Variants in CPSF2 observed in about 807,000 individuals in gnomAD.
CPSF2 encodes cleavage and polyadenylation specific factor 2.
Under a neutral mutation model 84.2 loss-of-function variants are expected in CPSF2, and 51 were observed. The observed-to-expected ratio is 0.61, with a 90% confidence interval of 0.48 to 0.77. The LOEUF is 0.77. CPSF2 is among the 30% of genes least tolerant of loss of function. The pLI is 0.00. For synonymous variants in CPSF2, 286 were observed against 311.9 expected, an observed-to-expected ratio of 0.92 and a Z score of 0.87; for missense variants, 641 against 929.4, an observed-to-expected ratio of 0.69 and a Z score of 4.03.
chr14:92,142,415 G>A (rs1294563196), intron 8 of CPSF2, 64 bp downstream of exon 8: 30 of 1,260,908 alleles, frequency 2.4e-5, no homozygotes, highest in African/African-American at 6.0e-5. Flanking sequence ...GGAAGTGGGC[G>A]TCTTAAATGT....
In CPSF2 at chr14:92,158,205, G is replaced by A. The variant is rs188223153; in HGVS notation, c.1821+321G>A. On this transcript the variant is annotated intron_variant, in intron 13 of 15. Coordinates refer to ENST00000298875, the MANE Select transcript of CPSF2 (RefSeq NM_017437.3). ...TGGGTTGTCAGGACAGACAGAGTAG[G>A]AAAGGGGGGGAAGAGCGTTCTAGGC... is the stretch of plus-strand genomic sequence containing the variant. Among the ~76,000 whole-genome samples, 521 of 152,308 alleles carry A rather than the reference G, an allele frequency of 3.4e-3. 6 individuals are homozygous for A. Among genetic ancestry groups the A allele is most frequent in the Non-Finnish European group, 2.6e-3 (176 of 68,032 alleles).
chr14:92,167,313 A>C lies in CPSF2; in HGVS notation c.*5569A>C, dbSNP rs547991202. 1 of 152,202 alleles carries C rather than the reference A, an allele frequency of 6.6e-6. No individual in the cohort carries two copies. Among genetic ancestry groups the C allele is most frequent in the East Asian group, 1.9e-4 (1 of 5,182 alleles). 9.4% of individuals were successfully genotyped at this position (152,202 alleles called of 1,614,324 possible). On this transcript the variant is annotated 3_prime_UTR_variant, in exon 16 of 16. Coordinates refer to ENST00000298875, the MANE Select transcript of CPSF2 (RefSeq NM_017437.3). The stretch of plus-strand genomic sequence containing the variant: ...AGTCGTGAGCCACCATACTCAGCCT[A>C]AGATTCAGCTTACCAATTTCTGCAA...
At chr14:92,128,520 A>T (rs563436838) in intron 2 of CPSF2, among the ~76,000 whole-genome samples, 67 of 152,248 alleles carry the variant, frequency 4.4e-4, no homozygotes, top group Non-Finnish European at 7.8e-4. Context: ...TCTCCTCCAT[A>T]TCCCATCCCC....
At chr14:92,154,712 C>T (rs988791375) in intron 10 of CPSF2, among the ~76,000 whole-genome samples, 6 of 152,114 alleles carry the variant, frequency 3.9e-5, no homozygotes, top group Non-Finnish European at 5.9e-5. Flanking sequence ...ATGATGGGGA[C>T]AGTTCTGAGA....
In CPSF2 at chr14:92,143,137, C is replaced by T; in HGVS notation, c.983C>T (p.Ala328Val). Reference protein sequence around the residue: ...ARVPSPKVVLASQPDLECGFS... With the variant: ...ARVPSPKVVLVSQPDLECGFS... ...GTACCTAGCCCTAAAGTTGTACTTG[C>T]CAGCCAACCTGACCTGGAATGCGGA... The change falls in exon 9 of 16, where the codon GCC (alanine) becomes GTC (valine). Residue 328 changes from alanine to valine, a missense_variant. Ala to Val is a moderately conservative substitution (Grantham distance 64). Transcript: ENST00000298875. 1 of 1,614,022 alleles carries T rather than the reference C, an allele frequency of 6.2e-7. No homozygotes were observed. The highest frequency in any genetic ancestry group is 8.5e-7 in the Non-Finnish European group (1 of 1,180,020).
intron 9 of CPSF2, among the ~76,000 whole-genome samples, chr14:92,146,750 C>A (rs564250626): frequency 1.3e-5 from 2 of 152,328 alleles, no homozygotes; most frequent in South Asian, 2.1e-4. Context: ...TCCTTCTTCT[C>A]TTTCAATAAA....
intron 3 of CPSF2, 27 bp from the exon 4 acceptor site, chr14:92,133,984 G>A: frequency 6.2e-7 from 1 of 1,610,418 alleles, no homozygotes; most frequent in South Asian, 1.1e-5. Flanking sequence ...GATTCAAGAA[G>A]TAGTCCTTTG....
chr14:92,130,850 T>G, intron 2 of CPSF2, 101 bp from the exon 3 acceptor site: 1 of 706,494 alleles, frequency 1.4e-6, no homozygotes. Context: ...TTAATGGAAT[T>G]TCTATGCACT....
At chr14:92,124,486 T>G (rs543454513) in intron 1 of CPSF2, among the ~76,000 whole-genome samples, 1 of 152,092 alleles carries the variant, frequency 6.6e-6, no homozygotes, top group South Asian at 2.1e-4. Context: ...GTGACTTGAG[T>G]TTTTAGTCTG....
chr14:92,142,113 G>C (rs775583491), intron 7 of CPSF2, 51 bp from the exon 8 acceptor site: 1 of 1,278,830 alleles, frequency 7.8e-7, no homozygotes, highest in East Asian at 2.5e-5. Flanking sequence ...CTTTAATTTT[G>C]TAGCATAGTA....
chr14:92,135,525 C>A, intron 6 of CPSF2, 29 bp downstream of exon 6: 2 of 1,571,656 alleles, frequency 1.3e-6, no homozygotes, highest in African/African-American at 1.4e-5. Flanking sequence ...AAGCTAAAGG[C>A]AATGCAATTG....
At position 92,155,178 on chromosome 14, in the gene CPSF2, T is replaced by C; in HGVS notation, c.1297T>C (p.Ser433Pro). ...SDIEEDIDQP[S>P]AHKTKHDLMM... Reference sequence around the variant, plus strand: ...TATTGAGGAAGATATTGACCAGCCATCAGCTCATAAGACGAAGCATGACTT... The same window carrying C: ...TATTGAGGAAGATATTGACCAGCCACCAGCTCATAAGACGAAGCATGACTT... Residue 433 changes from serine to proline, a missense_variant, in exon 11 of 16, where the codon TCA becomes CCA. Physicochemically the swap from Ser to Pro is moderately conservative, Grantham distance 74. This residue lies in a region of CPSF2 where 430 missense variants were observed against 553.6 expected (regional missense o/e 0.78). Transcript: ENST00000298875. 1 of 1,614,012 alleles carries C rather than the reference T, an allele frequency of 6.2e-7. No individual in the cohort carries two copies. Among genetic ancestry groups the C allele is most frequent in the Non-Finnish European group, 8.5e-7 (1 of 1,179,962 alleles).
intron 9 of CPSF2, among the ~76,000 whole-genome samples, chr14:92,146,094 C>T (rs2069140702): frequency 1.3e-5 from 2 of 152,148 alleles, no homozygotes; most frequent in African/African-American, 2.4e-5. Context: ...CCAAAACCTA[C>T]GTTAAGTGTA....
rs2069503275 is a variant in CPSF2, at chr14:92,170,413, C to T, written c.*8669C>T. The T allele has an allele frequency of 6.6e-6, 1 of 152,116 alleles. No individual in the cohort carries two copies. Among genetic ancestry groups the T allele is most frequent in the South Asian group, 2.1e-4 (1 of 4,830 alleles). The allele number at this position is 152,116 out of a possible 1,614,324, so 9.4% of individuals were successfully genotyped here. A position where few individuals can be genotyped will look rare whatever the true frequency, so the allele number is the denominator to read the frequency against. ...TACTTAAGTGTATACTTTTTAAAAA[C>T]AAGGACACTCCTACATAACCACAGT... On this transcript the variant is annotated 3_prime_UTR_variant, in exon 16 of 16. Coordinates refer to ENST00000298875, the MANE Select transcript of CPSF2 (RefSeq NM_017437.3).
intron 7 of CPSF2, among the ~76,000 whole-genome samples, chr14:92,140,435 T>TC (rs1491432105): frequency 6.0e-5 from 4 of 66,700 alleles, no homozygotes; most frequent in African/African-American, 2.1e-4. Flanking sequence ...CCCCCATCTC[T>TC]TTTTTTTTTT....
intron 1 of CPSF2, among the ~76,000 whole-genome samples, chr14:92,124,395 A>G (rs1424048264): frequency 6.6e-6 from 1 of 152,238 alleles, no homozygotes; most frequent in Non-Finnish European, 1.5e-5. Flanking sequence ...CCATGGAGGC[A>G]GGACATAAAG....
chr14:92,139,950 A>ATTTTTTTTT (rs34354391), intron 7 of CPSF2, among the ~76,000 whole-genome samples: 3 of 97,668 alleles, frequency 3.1e-5, no homozygotes, highest in Admixed American at 1.2e-4. Context: ...AAGTACAACT[A>ATTTTTTTTT]TTTTTTTTTT....
rs780146966 is a variant in CPSF2, at chr14:92,138,213, T to C, written c.546-19T>C. On this transcript the variant is annotated intron_variant, in intron 6 of 15. Coordinates refer to ENST00000298875, the MANE Select transcript of CPSF2 (RefSeq NM_017437.3). Reference sequence around the variant, plus strand: ...CTTGAAATGATATAAAATATTCCTCTTCTTAAACTTTCTTATAGCCATTTA... The same window carrying C: ...CTTGAAATGATATAAAATATTCCTCCTCTTAAACTTTCTTATAGCCATTTA... 2.4e-5 allele frequency: 31 copies of C among 1,285,214 alleles called. No individual in the cohort carries two copies. Among genetic ancestry groups the C allele is most frequent in the Non-Finnish European group, 3.2e-5 (29 of 905,488 alleles). The allele number at this position is 1,285,214 out of a possible 1,614,324, so 79.6% of individuals were successfully genotyped here. A position where few individuals can be genotyped will look rare whatever the true frequency, so the allele number is the denominator to read the frequency against.
chr14:92,147,262 A>G (rs1238493602), intron 9 of CPSF2, among the ~76,000 whole-genome samples: 1 of 152,220 alleles, frequency 6.6e-6, no homozygotes, highest in Non-Finnish European at 1.5e-5. Context: ...TTAGATAAGA[A>G]AAGTTTACCA....
Sources: allele counts gnomAD v4.1 joint callset (sites outside exome capture counted in the v4.1 genomes callset), GRCh38; gene constraint gnomAD v4.1.1; regional missense constraint gnomAD v4.1.1; transcripts MANE v1.5; gene names NCBI Gene and HGNC (gene_info 2026-07-23, HGNC 2026-07-21).